RIT2: variants seen among roughly 807,000 people sequenced by gnomAD.
The protein encoded by RIT2 is GTP-binding protein Rit2.
A neutral mutation model predicts 23.7 loss-of-function variants in RIT2; 24 were observed. That is an observed-to-expected ratio of 1.01 (90% CI 0.73 to 1.43). RIT2 has a LOEUF of 1.43. Among genes scored for constraint, RIT2 ranks in the 40% most tolerant of loss-of-function variants. The probability of loss-of-function intolerance (pLI) is 0.00; values close to 1 mark genes in which losing one functional copy is unlikely to be tolerated. For synonymous variants in RIT2, 107 were observed against 91.1 expected, an observed-to-expected ratio of 1.17 and a Z score of -0.99; for missense variants, 236 against 266.9, an observed-to-expected ratio of 0.88 and a Z score of 0.81.
intron 4 of RIT2, among the ~76,000 whole-genome samples, chr18:42,812,142 C>A (rs1252578579): frequency 1.3e-5 from 2 of 152,074 alleles, no homozygotes; most frequent in Admixed American, 1.3e-4. Flanking sequence ...TCTCTGAAAC[C>A]AGGACATAAT....
chr18:42,942,925 T>C (rs571670007), intron 3 of RIT2, among the ~76,000 whole-genome samples: 11 of 152,304 alleles, frequency 7.2e-5, no homozygotes, highest in African/African-American at 2.2e-4. Flanking sequence ...TGCATGGTGC[T>C]AGTGTGTCCA....
At chr18:42,876,012 C>T (rs1907734875) in intron 4 of RIT2, among the ~76,000 whole-genome samples, 1 of 151,870 alleles carries the variant, frequency 6.6e-6, no homozygotes, top group African/African-American at 2.4e-5. Context: ...AAAGCATCAA[C>T]AGATTTTTTT....
intron 4 of RIT2, among the ~76,000 whole-genome samples, chr18:42,751,182 T>C (rs1274772665): frequency 3.3e-5 from 5 of 151,914 alleles, no homozygotes. Context: ...AGTTATCATT[T>C]TGGATTATTT....
intron 1 of RIT2, among the ~76,000 whole-genome samples, chr18:43,094,889 C>T (rs909524406): frequency 7.0e-6 from 1 of 142,506 alleles, no homozygotes; most frequent in African/African-American, 2.6e-5. Flanking sequence ...AGGACACGAA[C>T]TCATTTTTTT....
chr18:43,080,839 A>G (rs1210486620), intron 1 of RIT2, among the ~76,000 whole-genome samples: 1 of 152,134 alleles, frequency 6.6e-6, no homozygotes, highest in Non-Finnish European at 1.5e-5. Context: ...TGTGTCCTGT[A>G]TGCTTTCCAC....
intron 4 of RIT2, among the ~76,000 whole-genome samples, chr18:42,840,160 G>A (rs1402823102): frequency 6.6e-6 from 1 of 152,168 alleles, no homozygotes; most frequent in Non-Finnish European, 1.5e-5. Flanking sequence ...CCACTATAAA[G>A]CTTTCTCACT....
intron 1 of RIT2, among the ~76,000 whole-genome samples, chr18:43,067,408 A>C (rs1912796465): frequency 6.6e-6 from 1 of 152,142 alleles, no homozygotes. Flanking sequence ...CCCCTTGGGA[A>C]ACCTGAGAAC....
In RIT2 at chr18:42,796,181, C is replaced by T. The variant is rs536931216; in HGVS notation, c.427-52461G>A. Among the ~76,000 whole-genome samples the T allele has an allele frequency of 1.4e-3, 215 of 152,210 alleles. 1 individual carries two copies. Among genetic ancestry groups the T allele is most frequent in the Non-Finnish European group, 2.3e-3 (155 of 68,008 alleles). On this transcript the variant is annotated intron_variant, in intron 4 of 4. Transcript: ENST00000326695. ...CTTTTATGAGCTGTAACACTCACGG[C>T]GAAGGTCTGCAGCTTCACTCCTGAA...
chr18:42,935,882 G>A (rs1909442968), intron 3 of RIT2, among the ~76,000 whole-genome samples: 1 of 152,012 alleles, frequency 6.6e-6, no homozygotes, highest in Admixed American at 6.6e-5. Context: ...CCACTATGCG[G>A]ATGAAGGATT....
intron 4 of RIT2, among the ~76,000 whole-genome samples, chr18:42,778,850 C>T (rs1207306931): frequency 7.2e-5 from 11 of 152,052 alleles, no homozygotes. Context: ...AGACGGCACA[C>T]ACAAAAAAAG....
At chr18:43,080,580 G>GT (rs1268734200) in intron 1 of RIT2, among the ~76,000 whole-genome samples, 1 of 151,990 alleles carries the variant, frequency 6.6e-6, no homozygotes, top group Non-Finnish European at 1.5e-5. Flanking sequence ...GTGCTACTTT[G>GT]TTTTTTGTTT....
At chr18:42,951,598 AAT>A (rs980358582) in intron 3 of RIT2, among the ~76,000 whole-genome samples, 1 of 145,954 alleles carries the variant, frequency 6.9e-6, no homozygotes, top group African/African-American at 2.6e-5. Context: ...AAAAGAAAAA[AAT>A]ATATATATAT....
At chr18:43,044,150 T>A (rs79535799) in intron 1 of RIT2, among the ~76,000 whole-genome samples, 2,399 of 152,140 alleles carry the variant, frequency 0.016, 56 homozygotes, top group African/African-American at 0.052. Context: ...TAAAATAGGG[T>A]CCTTGTGGAG....
chr18:42,984,749 T>C (rs1420173388), intron 2 of RIT2, among the ~76,000 whole-genome samples: 2 of 152,056 alleles, frequency 1.3e-5, no homozygotes, highest in Non-Finnish European at 2.9e-5. Flanking sequence ...AAAAAGCATA[T>C]TAGAAAACTG....
chr18:42,931,679 C>T (rs1909329159), intron 3 of RIT2, among the ~76,000 whole-genome samples: 1 of 152,070 alleles, frequency 6.6e-6, no homozygotes, highest in African/African-American at 2.4e-5. Flanking sequence ...TCCTGGAGGT[C>T]ACTCATACTG....
At chr18:42,800,931 C>T (rs1243652332) in intron 4 of RIT2, among the ~76,000 whole-genome samples, 1 of 152,162 alleles carries the variant, frequency 6.6e-6, no homozygotes, top group Non-Finnish European at 1.5e-5. Flanking sequence ...TTCTCTACTT[C>T]ATTCTGTTAA....
chr18:42,994,277 G>A (rs1472684988), intron 2 of RIT2, among the ~76,000 whole-genome samples: 1 of 152,104 alleles, frequency 6.6e-6, no homozygotes, highest in African/African-American at 2.4e-5. Context: ...CTTCAGTCAA[G>A]CCCAAATTTC....
At chr18:42,856,794 T>A (rs1395065739) in intron 4 of RIT2, among the ~76,000 whole-genome samples, 1 of 151,758 alleles carries the variant, frequency 6.6e-6, no homozygotes, top group African/African-American at 2.4e-5. Flanking sequence ...ATTTGGCAAT[T>A]CCTTGAGAAG....
intron 2 of RIT2, among the ~76,000 whole-genome samples, chr18:43,007,947 T>G (rs1216935140): frequency 6.6e-6 from 1 of 151,658 alleles, no homozygotes; most frequent in Non-Finnish European, 1.5e-5. Flanking sequence ...CATTTTGCAA[T>G]TCTTTATGAA....
Sources: allele counts gnomAD v4.1 joint callset (sites outside exome capture counted in the v4.1 genomes callset), GRCh38; gene constraint gnomAD v4.1.1; transcripts MANE v1.5; gene names NCBI Gene and HGNC (gene_info 2026-07-23, HGNC 2026-07-21).